Variants in PCDHA3 observed in about 807,000 individuals in gnomAD.
The protein encoded by PCDHA3 is protocadherin alpha 3, also known as protocadherin alpha-3.
A neutral mutation model predicts 62.2 loss-of-function variants in PCDHA3; 41 were observed. That is an observed-to-expected ratio of 0.66 (90% CI 0.51 to 0.86). The LOEUF (loss-of-function observed/expected upper bound fraction) is 0.86. Among genes scored for constraint, PCDHA3 ranks in the 40% least tolerant of loss-of-function variants. The pLI is 0.00. For synonymous variants in PCDHA3, 640 were observed against 555.4 expected, an observed-to-expected ratio of 1.15 and a Z score of -2.14; for missense variants, 1,304 against 1,241.2, an observed-to-expected ratio of 1.05 and a Z score of -0.76.
intron 1 of PCDHA3, among the ~76,000 whole-genome samples, chr5:140,960,822 T>C (rs1225829114): frequency 4.6e-5 from 7 of 152,080 alleles, no homozygotes; most frequent in African/African-American, 1.7e-4. Context: ...AAGTGATGAA[T>C]GGAAACTTGG....
chr5:140,989,240 C>T (rs1180879985), intron 3 of PCDHA3, among the ~76,000 whole-genome samples: 1 of 152,152 alleles, frequency 6.6e-6, no homozygotes, highest in Non-Finnish European at 1.5e-5. Flanking sequence ...AAGTTTTAAG[C>T]CCCTTGTCAA....
intron 1 of PCDHA3, chr5:140,858,332 C>T: frequency 6.3e-7 from 1 of 1,596,258 alleles, no homozygotes; most frequent in East Asian, 2.2e-5. Context: ...TGGGGAGGGC[C>T]TGCCCAAGGC....
chr5:140,824,420 T>G (rs1192549493), intron 1 of PCDHA3: 6 of 510,762 alleles, frequency 1.2e-5, no homozygotes, highest in Non-Finnish European at 2.0e-5. Flanking sequence ...TAGTTTGGAG[T>G]CATTCTCAAA....
chr5:140,845,157 C>T (rs1273679091), intron 1 of PCDHA3, among the ~76,000 whole-genome samples: 6 of 149,288 alleles, frequency 4.0e-5, no homozygotes, highest in Non-Finnish European at 7.5e-5. Context: ...TGTGTAAAAG[C>T]GAATTGTTTT....
At chr5:140,895,863 G>A (rs1450764434) in intron 1 of PCDHA3, among the ~76,000 whole-genome samples, 3 of 152,162 alleles carry the variant, frequency 2.0e-5, no homozygotes, top group African/African-American at 7.2e-5. Flanking sequence ...CCAGGCTGGA[G>A]TGCAATGGCG....
intron 1 of PCDHA3, among the ~76,000 whole-genome samples, chr5:140,957,852 A>T (rs968818783): frequency 6.6e-6 from 1 of 151,658 alleles, no homozygotes. Flanking sequence ...GAGTTTGTGT[A>T]TTTTTTTTCC....
intron 1 of PCDHA3, among the ~76,000 whole-genome samples, chr5:140,965,230 C>T (rs2095881666): frequency 6.6e-6 from 1 of 152,126 alleles, no homozygotes; most frequent in Non-Finnish European, 1.5e-5. Flanking sequence ...ATGTGAGAAC[C>T]TGGGAAGAGT....
At chr5:140,833,108 C>T (rs1340494019) in intron 1 of PCDHA3, among the ~76,000 whole-genome samples, 2 of 152,180 alleles carry the variant, frequency 1.3e-5, no homozygotes, top group African/African-American at 4.8e-5. Context: ...TTTTGACACT[C>T]TTCAAAGTCA....
At chr5:140,864,105 T>G (rs1413292385) in intron 1 of PCDHA3, 1 of 152,314 alleles carries the variant, frequency 6.6e-6, no homozygotes, top group Non-Finnish European at 1.5e-5. Flanking sequence ...ATAATGATAA[T>G]AGTAATAATG....
intron 1 of PCDHA3, among the ~76,000 whole-genome samples, chr5:140,891,452 T>C (rs1554184844): frequency 6.7e-6 from 1 of 150,254 alleles, no homozygotes; most frequent in African/African-American, 2.4e-5. Flanking sequence ...ATAGGATTTT[T>C]GAATTTGTGA....
At chr5:140,823,126 G>C (rs1554129157) in intron 1 of PCDHA3, 4 of 1,614,022 alleles carry the variant, frequency 2.5e-6, no homozygotes, top group Non-Finnish European at 3.4e-6. Context: ...GAACGACAAC[G>C]CTCCGGCGTT....
In PCDHA3 at chr5:140,801,703, C is replaced by CT. The variant is rs782435418; in HGVS notation, c.508dup (p.Tyr170LeufsTer4). 36 of 1,614,022 alleles carry CT rather than the reference C, an allele frequency of 2.2e-5. No homozygotes were observed. Among genetic ancestry groups the CT allele is most frequent in the Middle Eastern group, 1.6e-4 (1 of 6,084 alleles). ...GATATCGGAACAAATTCGTTGTTGA[C>CT]TTACAGTCTTGATTCCACTGAATAT... On this transcript the variant is annotated frameshift_variant, in exon 1 of 4. Coordinates refer to ENST00000522353, the MANE Select transcript of PCDHA3 (RefSeq NM_018906.3). LOFTEE classifies it high-confidence loss of function.
chr5:140,848,206 A>G lies in PCDHA3; in HGVS notation c.2394+44615A>G, dbSNP rs1354979846. The G allele has an allele frequency of 2.7e-5, 9 of 338,544 alleles. No homozygotes were observed. In the East Asian group the frequency reaches 4.5e-4, roughly 17 times the overall value. 21.0% of individuals were successfully genotyped at this position (338,544 alleles called of 1,614,324 possible). A position where few individuals can be genotyped will look rare whatever the true frequency, so the allele number is the denominator to read the frequency against. On this transcript the variant is annotated intron_variant, in intron 1 of 3. Transcript: ENST00000522353. ...GGGATCTTCTGTTTCAACAATCATTACTTAAGAAAAAATTAAGAAAATGAA... is the reference window on the plus strand; with the variant it reads ...GGGATCTTCTGTTTCAACAATCATTGCTTAAGAAAAAATTAAGAAAATGAA...
In PCDHA3 at chr5:140,968,269, T is replaced by C. The variant is rs558051125; in HGVS notation, c.2395-10680T>C. On this transcript the variant is annotated intron_variant, in intron 1 of 3. Coordinates refer to ENST00000522353, the MANE Select transcript of PCDHA3 (RefSeq NM_018906.3). ...CCACAGACCCAGATGAAAAGGAGAATGCAGAGGTGACCTACTCCCTTCTGG... is the reference window on the plus strand; with the variant it reads ...CCACAGACCCAGATGAAAAGGAGAACGCAGAGGTGACCTACTCCCTTCTGG... 6.9e-5 allele frequency: 112 copies of C among 1,614,074 alleles called. 2 individuals carry two copies. In the South Asian group the frequency reaches 1.1e-3, roughly 16 times the overall value.
chr5:140,920,841 T>TAAAAAAAA (rs781921146), intron 1 of PCDHA3, among the ~76,000 whole-genome samples: 2 of 109,228 alleles, frequency 1.8e-5, no homozygotes, highest in Non-Finnish European at 1.9e-5. Context: ...AGACCAAATC[T>TAAAAAAAA]AAAAAAAAAA....
intron 1 of PCDHA3, chr5:140,870,486 G>C (rs1318169830): frequency 5.0e-6 from 8 of 1,614,136 alleles, no homozygotes; most frequent in South Asian, 1.1e-5. Context: ...AGTACACCGT[G>C]TTCGTGAAGG....
rs1554121309 is a variant in PCDHA3, at chr5:140,801,198, ATGT to A, written c.6_8del (p.Leu2?). 3 of 1,594,388 alleles carry A rather than the reference ATGT, an allele frequency of 1.9e-6. No homozygotes were observed. The highest frequency in any genetic ancestry group is 1.8e-5 in the Admixed American group (1 of 56,310). On this transcript the variant is annotated start_lost and inframe_deletion, in exon 1 of 4. Coordinates refer to ENST00000522353, the MANE Select transcript of PCDHA3 (RefSeq NM_018906.3). ...ATCTAATATTTGGAAAATACTTGCAATGTTGTTCTCCTGGCGAGAAGATCCTGG... is the reference window on the plus strand; with the variant it reads ...ATCTAATATTTGGAAAATACTTGCAATGTTCTCCTGGCGAGAAGATCCTGG...
chr5:140,824,013 C>G (rs1347563887), intron 1 of PCDHA3: 3 of 1,614,156 alleles, frequency 1.9e-6, no homozygotes, highest in Non-Finnish European at 2.5e-6. Flanking sequence ...CGGTGGGGAG[C>G]TGGTCGTACT....
At chr5:140,882,160 C>G (rs2058982745) in intron 1 of PCDHA3, 8 of 1,509,868 alleles carry the variant, frequency 5.3e-6, no homozygotes, top group Non-Finnish European at 7.1e-6. Flanking sequence ...CGGAATACCT[C>G]TTGCGAATCC....
Sources: gnomAD v4.1 joint callset for allele counts (sites outside exome capture counted in the v4.1 genomes callset) on GRCh38, gnomAD v4.1.1 for gene constraint, MANE v1.5 for transcripts, NCBI Gene and HGNC (gene_info 2026-07-23, HGNC 2026-07-21) for gene names.